Variants in MED1 observed in about 807,000 individuals in gnomAD.
MED1 encodes the protein mediator complex subunit 1, also known as mediator of RNA polymerase II transcription subunit 1.
In MED1, 17 loss-of-function variants were observed where a neutral mutation model predicts 121.3. The observed-to-expected ratio is 0.14, with a 90% CI of 0.10 to 0.21. The LOEUF is 0.21. MED1 is among the 10% of genes least tolerant of loss of function. The pLI is 1.00. For synonymous variants in MED1, 661 were observed against 694.4 expected (o/e 0.95, Z 0.76); for missense variants, 1,558 against 1,919.4 (o/e 0.81, Z 3.52).
intron 7 of MED1, among the ~76,000 whole-genome samples, chr17:39,434,045 A>G (rs1242072880): frequency 6.6e-6 from 1 of 152,178 alleles, no homozygotes; most frequent in Non-Finnish European, 1.5e-5. Context: ...TCTGTCTTCC[A>G]GCATTATGAT....
intron 1 of MED1, 90 bp from the exon 2 acceptor site, chr17:39,447,994 A>G (rs998122947): frequency 3.7e-6 from 3 of 806,550 alleles, no homozygotes; most frequent in Non-Finnish European, 6.1e-6. Flanking sequence ...ACACTTCATC[A>G]CAGTAAGAAT....
At position 39,440,613 on chromosome 17, in the gene MED1, G is replaced by A. The variant is rs752434536; in HGVS notation, c.266+10C>T. 6.2e-7 allele frequency: 1 copy of A among 1,612,782 alleles called. No homozygotes were observed. The highest frequency in any genetic ancestry group is 2.2e-5 in the East Asian group (1 of 44,864). On this transcript the variant is annotated intron_variant, in intron 4 of 16. Transcript: ENST00000300651. This position sits in a 1 kb window ranked among gnomAD's most constrained non-coding sequence, Gnocchi z 4.1. ...AGTTAAACATTTCTGCCTACAGAAA[G>A]ACTACTTACCCATTCTGTCTTGCTA...
At chr17:39,418,108 A>AAAAAAAC (rs2048427447) in intron 14 of MED1, among the ~76,000 whole-genome samples, 1 of 151,468 alleles carries the variant, frequency 6.6e-6, no homozygotes, top group Non-Finnish European at 1.5e-5. Flanking sequence ...AAAAAAAAAA[A>AAAAAAAC]AATTCATCAG....
rs1351862281 is a variant in MED1 at position 39,427,705 on chromosome 17, A to T, written c.735T>A (p.Asn245Lys). Residue 245 changes from asparagine to lysine, a missense_variant, in exon 10 of 17, where the codon AAT (asparagine) becomes AAA (lysine). Physicochemically the swap from Asn to Lys is moderately conservative, Grantham distance 94. Transcript: ENST00000300651. ...CCTTTACAATTAAAGTCTTACCATT[A>T]TTCTCATGCAAAATGATGGGAGATG... ...KTASPIILHENNVSRSLGMNA... is the reference protein window; with the variant it reads ...KTASPIILHEKNVSRSLGMNA... The T allele has an allele frequency of 6.3e-7, 1 of 1,587,400 alleles. No homozygotes were observed. Among genetic ancestry groups the T allele is most frequent in the Non-Finnish European group, 8.6e-7 (1 of 1,156,330 alleles).
In MED1 at chr17:39,417,074, T is replaced by A. The variant is rs1431993386; in HGVS notation, c.1298-1735A>T. The stretch of plus-strand genomic sequence containing the variant: ...GTCCAGGCATGGTGGCTCACGCATG[T>A]AATCCCAGCACTTTGGGAGGCCGAG... On this transcript the variant is annotated intron_variant, in intron 14 of 16. Coordinates refer to ENST00000300651, the MANE Select transcript of MED1 (RefSeq NM_004774.4). 2.0e-5 allele frequency among the ~76,000 whole-genome samples: 3 copies of A among 152,230 alleles called. No individual in the cohort carries two copies. The East Asian group carries it at 5.8e-4, about 29-fold the overall frequency.
Position 39,410,218 on chromosome 17 carries a change from C to T in MED1, c.2003G>A (p.Arg668Lys). 1.2e-6 allele frequency: 2 copies of T among 1,613,896 alleles called. No individual in the cohort carries two copies. The highest frequency in any genetic ancestry group is 1.7e-6 in the Non-Finnish European group (2 of 1,179,988). ...STLYGSSPLE[R>K]QNSSSGSPRM... The stretch of plus-strand genomic sequence containing the variant: ...GGGTGAGCCGGAAGAGGAGTTCTGC[C>T]TTTCTAAAGGGCTGCTTCCATAAAG... The change falls in exon 17 of 17, where the codon AGG becomes AAG. Residue 668 changes from arginine (R) to lysine (K), a missense_variant. Around this residue, in one of 5 missense-constraint regions of MED1, gnomAD observed 793 missense variants for 898.2 expected, o/e 0.88. Transcript: ENST00000300651.
chr17:39,426,604 G>A (rs1028247015), intron 10 of MED1, among the ~76,000 whole-genome samples: 3 of 149,394 alleles, frequency 2.0e-5, no homozygotes, highest in Non-Finnish European at 4.5e-5. Flanking sequence ...GCACAATCTC[G>A]GTTCACTGCA....
At chr17:39,436,996 G>A (rs999583228) in intron 6 of MED1, among the ~76,000 whole-genome samples, 1 of 151,394 alleles carries the variant, frequency 6.6e-6, no homozygotes, top group Non-Finnish European at 1.5e-5. Context: ...GTAATGGCAT[G>A]ATCTTGGCTC....
At chr17:39,431,299 C>T (rs972455091) in intron 8 of MED1, 111 bp from the exon 9 acceptor site, 5 of 839,018 alleles carry the variant, frequency 6.0e-6, no homozygotes, top group African/African-American at 1.8e-5. Context: ...TTTTTTGAGA[C>T]GGAGTTTCGC....
Position 39,444,738 on chromosome 17 carries a change from A to C in MED1, c.133-1110T>G, listed in dbSNP as rs185044727. 1.5e-4 allele frequency among the ~76,000 whole-genome samples: 22 copies of C among 149,626 alleles called. No homozygotes were observed. The East Asian group carries it at 3.9e-3, about 27-fold the overall frequency. On this transcript the variant is annotated intron_variant, in intron 2 of 16. Transcript: ENST00000300651. ...ACAAAAATTAGCCAGGTGTGGTGGT[A>C]CGCGCCTGTAGTCCCAGCTACTCAG...
chr17:39,420,375 G>GT (rs1377267831), intron 13 of MED1, among the ~76,000 whole-genome samples: 1 of 150,946 alleles, frequency 6.6e-6, no homozygotes, highest in African/African-American at 2.4e-5. Flanking sequence ...AATTTTTTTT[G>GT]TATTTTTAGT....
chr17:39,416,382 G>A (rs183977046), intron 14 of MED1, among the ~76,000 whole-genome samples: 1 of 152,262 alleles, frequency 6.6e-6, no homozygotes, highest in East Asian at 1.9e-4. Flanking sequence ...AGATATAGAG[G>A]CTATAATCTA....
intron 13 of MED1, among the ~76,000 whole-genome samples, chr17:39,420,616 T>C (rs927648041): frequency 2.5e-4 from 38 of 152,050 alleles, no homozygotes; most frequent in African/African-American, 9.2e-4. Flanking sequence ...AGATGAGGTT[T>C]TGGAACGTTC....
rs140957852 is a variant in MED1 at position 39,406,079 on chromosome 17, G to C, written c.*1396C>G. ...AATACTGAGAACTTCTGTTGCACTC[G>C]AAACAGTCTCCTGGATTTCTATATT... On this transcript the variant is annotated 3_prime_UTR_variant, in exon 17 of 17. Coordinates refer to ENST00000300651, the MANE Select transcript of MED1 (RefSeq NM_004774.4). 5.5e-4 allele frequency: 539 copies of C among 985,454 alleles called. 1 individual carries two copies. Among genetic ancestry groups the C allele is most frequent in the Non-Finnish European group, 6.2e-4 (515 of 829,922 alleles). The allele number at this position is 985,454 out of a possible 1,614,324, so 61.0% of individuals were successfully genotyped here. A position where few individuals can be genotyped will look rare whatever the true frequency, so the allele number is the denominator to read the frequency against.
In MED1 at chr17:39,424,683, C is replaced by T. The variant is rs146073566; in HGVS notation, c.795G>A (p.Val265=). The T allele has an allele frequency of 6.9e-3, 11,071 of 1,610,986 alleles. 34 individuals are homozygous for T. The highest frequency in any genetic ancestry group is 8.4e-3 in the Non-Finnish European group (9,911 of 1,178,594). Residue 265 remains valine (V), a synonymous_variant, in exon 11 of 17, where the codon GTG becomes GTA. Coordinates refer to ENST00000300651, the MANE Select transcript of MED1 (RefSeq NM_004774.4). ...TTAATGGTGCAATTGGGAGTTTGTA[C>T]ACAGCAGATGTTCCTTCAATTGTCA... is the stretch of plus-strand genomic sequence containing the variant. The part of the protein sequence containing the change: ...ASVTIEGTSA[V]YKLPIAPLIM...
intron 13 of MED1, among the ~76,000 whole-genome samples, chr17:39,421,625 T>G (rs2048466168): frequency 1.3e-5 from 2 of 152,018 alleles, no homozygotes; most frequent in African/African-American, 4.8e-5. Flanking sequence ...TGAGCTCAAG[T>G]GATCTGCCTT....
intron 12 of MED1, 52 bp downstream of exon 12, chr17:39,423,645 G>C: frequency 6.2e-7 from 1 of 1,611,632 alleles, no homozygotes; most frequent in Non-Finnish European, 8.5e-7. Context: ...TGACTTTGAA[G>C]TTTCTTTTTC....
chr17:39,421,136 G>T (rs1481429279), intron 13 of MED1, among the ~76,000 whole-genome samples: 1 of 150,264 alleles, frequency 6.7e-6, no homozygotes, highest in African/African-American at 2.4e-5. Context: ...GTAGAGACAG[G>T]ATTTTGCCGG....
rs2048436924 is a variant in MED1, at chr17:39,419,090, TTTTG to T, written c.1297+623_1297+626del. On this transcript the variant is annotated intron_variant, in intron 14 of 16. Coordinates refer to ENST00000300651, the MANE Select transcript of MED1 (RefSeq NM_004774.4). ...ACAAACCACTGCACTCAGCCTGGTG[TTTTG>T]TTTTTGATTCAGGGTCTTACTGTGT... Among the ~76,000 whole-genome samples, 3 of 146,226 alleles carry T rather than the reference TTTTG, an allele frequency of 2.1e-5. No homozygotes were observed. The South Asian group carries it at 6.5e-4, about 32-fold the overall frequency.
Sources: gnomAD v4.1 joint callset for allele counts (sites outside exome capture counted in the v4.1 genomes callset) on GRCh38, gnomAD v4.1.1 for gene constraint, gnomAD v4.1.1 regional missense constraint, Gnocchi (gnomAD v3.1) non-coding constraint, MANE v1.5 for transcripts, NCBI Gene and HGNC (gene_info 2026-07-23, HGNC 2026-07-21) for gene names.